The following ITGBL1 variants were observed in gnomAD, a reference collection of about 807,000 sequenced individuals.
The protein encoded by ITGBL1 is integrin beta-like protein 1.
In ITGBL1, 51 loss-of-function variants were observed where a neutral mutation model predicts 68.5. The ratio of observed to expected loss-of-function variants is 0.74; its 90% CI spans 0.59 to 0.94. ITGBL1 has a LOEUF of 0.94. Ranked by LOEUF, ITGBL1 falls within the 40% of genes least tolerant of loss-of-function variation. The pLI, the probability that ITGBL1 is intolerant of heterozygous loss-of-function variation, is 0.00. For synonymous variants in ITGBL1, 209 were observed against 227.3 expected (o/e 0.92, Z 0.72); for missense variants, 649 against 647.4 (o/e 1.00, Z -0.03).
intron 3 of ITGBL1, among the ~76,000 whole-genome samples, chr13:101,572,969 A>C (rs140603111): frequency 4.1e-4 from 62 of 152,284 alleles, no homozygotes; most frequent in Admixed American, 1.0e-3. Context: ...AACATATGAC[A>C]CAAAGGCTTT....
At chr13:101,627,163 G>A (rs751297708) in intron 7 of ITGBL1, among the ~76,000 whole-genome samples, 7 of 152,078 alleles carry the variant, frequency 4.6e-5, no homozygotes, top group Non-Finnish European at 1.0e-4. Flanking sequence ...TTCTCAAAGT[G>A]TAGTCTGAGT....
intron 7 of ITGBL1, among the ~76,000 whole-genome samples, chr13:101,604,871 T>TACACACAC (rs1334807426): frequency 4.3e-5 from 1 of 23,448 alleles, no homozygotes; most frequent in East Asian, 2.7e-3. Flanking sequence ...TATATATATA[T>TACACACAC]ATATATATAT....
chr13:101,687,991 T>C (rs2033794560), intron 7 of ITGBL1, among the ~76,000 whole-genome samples: 2 of 152,180 alleles, frequency 1.3e-5, no homozygotes, highest in Admixed American at 6.5e-5. Flanking sequence ...AATATTAATT[T>C]GGTATTGATT....
chr13:101,583,562 T>C (rs2050500755), intron 6 of ITGBL1, among the ~76,000 whole-genome samples: 1 of 152,194 alleles, frequency 6.6e-6, no homozygotes, highest in South Asian at 2.1e-4. Flanking sequence ...GGATAAATGC[T>C]TGGAGGGGAT....
chr13:101,599,378 C>T (rs955397439), intron 7 of ITGBL1, among the ~76,000 whole-genome samples: 4 of 151,284 alleles, frequency 2.6e-5, no homozygotes, highest in Non-Finnish European at 4.4e-5. Flanking sequence ...TTCTCCCATT[C>T]TGTAGGTTGC....
chr13:101,556,533 G>A (rs1049407975), intron 2 of ITGBL1, among the ~76,000 whole-genome samples: 1 of 152,134 alleles, frequency 6.6e-6, no homozygotes, highest in South Asian at 2.1e-4. Context: ...TACTCGGGAG[G>A]CTGAGGCAGA....
intron 7 of ITGBL1, among the ~76,000 whole-genome samples, chr13:101,692,200 A>C (rs1344871441): frequency 6.6e-6 from 1 of 152,194 alleles, no homozygotes; most frequent in Non-Finnish European, 1.5e-5. Context: ...AACATTTTAA[A>C]ATGGCCACAT....
chr13:101,618,665 C>T (rs2031464089), intron 7 of ITGBL1, among the ~76,000 whole-genome samples: 2 of 152,146 alleles, frequency 1.3e-5, no homozygotes, highest in African/African-American at 4.8e-5. Context: ...TACGCATGCA[C>T]ATGGGTTGAC....
At chr13:101,695,021 C>G (rs2033970522) in intron 8 of ITGBL1, among the ~76,000 whole-genome samples, 1 of 152,158 alleles carries the variant, frequency 6.6e-6, no homozygotes, top group South Asian at 2.1e-4. Context: ...TCTCCTGGAG[C>G]TTATGGTTGA....
chr13:101,540,038 C>T (rs1373266669), intron 2 of ITGBL1, among the ~76,000 whole-genome samples: 1 of 152,170 alleles, frequency 6.6e-6, no homozygotes, highest in Non-Finnish European at 1.5e-5. Context: ...TTTTGCTGTG[C>T]AGAAGCTCTT....
chr13:101,717,556 C>A (rs879944090), downstream of ITGBL1: 1 of 152,084 alleles, frequency 6.6e-6, no homozygotes, highest in African/African-American at 2.4e-5. Context: ...CATTATCTAG[C>A]CATCGTAATA....
At chr13:101,715,073 C>T (rs576271210) in intron 10 of ITGBL1, 48 of 162,574 alleles carry the variant, frequency 3.0e-4, no homozygotes, top group African/African-American at 9.8e-4. Context: ...AGCCAAGTTA[C>T]GAGGAAACAG....
intron 2 of ITGBL1, among the ~76,000 whole-genome samples, chr13:101,498,817 G>A (rs1317407356): frequency 1.3e-5 from 2 of 152,130 alleles, no homozygotes; most frequent in Non-Finnish European, 2.9e-5. Flanking sequence ...ACCTGAGTCT[G>A]GGTAATTTAT....
intron 9 of ITGBL1, chr13:101,712,953 T>A (rs2034543077): frequency 6.6e-6 from 1 of 152,158 alleles, no homozygotes; most frequent in Non-Finnish European, 1.5e-5. Context: ...TTATTAAAAC[T>A]GAGAAGACGT....
intron 7 of ITGBL1, among the ~76,000 whole-genome samples, chr13:101,674,590 T>C (rs1468318644): frequency 1.3e-5 from 2 of 152,152 alleles, no homozygotes; most frequent in African/African-American, 2.4e-5. Context: ...ATATAGAGTA[T>C]ATATGTTGAG....
chr13:101,487,875 TAAC>T, intron 2 of ITGBL1, among the ~76,000 whole-genome samples: 1 of 152,316 alleles, frequency 6.6e-6, no homozygotes, highest in South Asian at 2.1e-4. Context: ...TTAATCTTCC[TAAC>T]TCAAATGATG....
At chr13:101,508,099 C>T (rs532057758) in intron 2 of ITGBL1, among the ~76,000 whole-genome samples, 97 of 152,122 alleles carry the variant, frequency 6.4e-4, no homozygotes, top group Non-Finnish European at 9.3e-4. Flanking sequence ...ACTTACTCTA[C>T]CTTATTACCC....
At chr13:101,545,618 G>A (rs1325181646) in intron 2 of ITGBL1, among the ~76,000 whole-genome samples, 2 of 152,154 alleles carry the variant, frequency 1.3e-5, no homozygotes, top group African/African-American at 4.8e-5. Flanking sequence ...TAATTCAGCA[G>A]TAAAATCTTC....
At position 101,575,529 on chromosome 13, in the gene ITGBL1, C is replaced by T; in HGVS notation, c.569C>T (p.Thr190Ile). 1 of 1,612,142 alleles carries T rather than the reference C, an allele frequency of 6.2e-7. No individual in the cohort carries two copies. The highest frequency in any genetic ancestry group is 8.5e-7 in the Non-Finnish European group (1 of 1,178,600). The change falls in exon 4 of 11, where the codon ACA becomes ATA. Residue 190 changes from threonine (T) to isoleucine (I), a missense_variant. Thr to Ile is a moderately conservative substitution (Grantham distance 89). Coordinates refer to ENST00000376180, the MANE Select transcript of ITGBL1 (RefSeq NM_004791.3). ...CDDRECIDDE[T>I]EEICGGHGKC... ...GATAGAGAATGCATAGACGATGAAA[C>T]AGAAGAAATATGTGGAGGTATGTAT...
Sources: gnomAD v4.1 joint callset for allele counts (sites outside exome capture counted in the v4.1 genomes callset) on GRCh38, gnomAD v4.1.1 for gene constraint, MANE v1.5 for transcripts, NCBI Gene and HGNC (gene_info 2026-07-23, HGNC 2026-07-21) for gene names.